Variants in COL5A2 observed in about 807,000 individuals in gnomAD.
COL5A2 encodes the protein collagen type V alpha 2 chain.
Under a neutral mutation model 208.2 loss-of-function variants are expected in COL5A2, and 23 were observed. That is an observed-to-expected ratio of 0.11 (90% CI 0.08 to 0.16). COL5A2 has a LOEUF of 0.16. Among genes scored for constraint, COL5A2 ranks in the 10% least tolerant of loss-of-function variants. COL5A2 has a pLI of 1.00. For synonymous variants in COL5A2, 625 were observed against 628.5 expected (o/e 0.99, Z 0.08); for missense variants, 1,590 against 1,956.4 (o/e 0.81, Z 3.53).
chr2:189,408,925 G>C, the COL5A2 span, among the ~76,000 whole-genome samples: 3 of 152,134 alleles, frequency 2.0e-5, no homozygotes, highest in South Asian at 6.2e-4. Flanking sequence ...AAATGGAATA[G>C]GTAGTGTGTC....
At chr2:189,433,859 T>G in the COL5A2 span, among the ~76,000 whole-genome samples, 128 of 152,060 alleles carry the variant, frequency 8.4e-4, no homozygotes, top group Non-Finnish European at 1.6e-3. Flanking sequence ...TGATACCAAA[T>G]CCTGGCAGAG....
the COL5A2 span, among the ~76,000 whole-genome samples, chr2:189,371,137 G>T: frequency 1.3e-5 from 2 of 152,084 alleles, no homozygotes; most frequent in East Asian, 3.9e-4. Flanking sequence ...AGATGTGCCT[G>T]CTCCCCCTTT....
intron 37 of COL5A2, 64 bp downstream of exon 37, chr2:189,053,831 C>T (rs1300608263): frequency 7.4e-7 from 1 of 1,350,844 alleles, no homozygotes; most frequent in African/African-American, 1.5e-5. Flanking sequence ...AATATAAAAA[C>T]AAAATGATTA....
At chr2:189,198,778 A>G (rs996811873) in intron 1 of COL5A2, among the ~76,000 whole-genome samples, 1 of 152,188 alleles carries the variant, frequency 6.6e-6, no homozygotes, top group Non-Finnish European at 1.5e-5. Context: ...ATAATATGCA[A>G]TTATTGGAAA....
chr2:189,034,848 T>C, intron 53 of COL5A2, 68 bp downstream of exon 53: 5 of 1,597,560 alleles, frequency 3.1e-6, no homozygotes, highest in Non-Finnish European at 4.3e-6. Flanking sequence ...TCTAGTGCTG[T>C]AATAGTATTT....
At chr2:189,406,264 GATGCTTTTAAA>G in the COL5A2 span, among the ~76,000 whole-genome samples, 3 of 152,086 alleles carry the variant, frequency 2.0e-5, no homozygotes, top group Non-Finnish European at 4.4e-5. Flanking sequence ...ACTTGAAATT[GATGCTTTTAAA>G]ATATATTTCT....
the COL5A2 span, among the ~76,000 whole-genome samples, chr2:189,255,546 T>C: frequency 2.6e-5 from 4 of 152,206 alleles, no homozygotes; most frequent in Non-Finnish European, 5.9e-5. Flanking sequence ...TTGCTCATGA[T>C]AAAATAATTA....
At chr2:189,320,944 C>G in the COL5A2 span, among the ~76,000 whole-genome samples, 1 of 152,190 alleles carries the variant, frequency 6.6e-6, no homozygotes, top group Non-Finnish European at 1.5e-5. Context: ...CACAGGGAAG[C>G]CTATCAGACT....
At chr2:189,349,663 G>A in the COL5A2 span, among the ~76,000 whole-genome samples, 1 of 152,100 alleles carries the variant, frequency 6.6e-6, no homozygotes, top group Non-Finnish European at 1.5e-5. Context: ...TTATGTTTAT[G>A]TTTAGGTTTA....
the COL5A2 span, among the ~76,000 whole-genome samples, chr2:189,234,208 T>C: frequency 6.6e-6 from 1 of 151,746 alleles, no homozygotes; most frequent in Non-Finnish European, 1.5e-5. Context: ...TTGCAAACTA[T>C]ACATCCTCAG....
chr2:189,189,715 T>A (rs1368496713), intron 1 of COL5A2, among the ~76,000 whole-genome samples: 1 of 152,060 alleles, frequency 6.6e-6, no homozygotes, highest in Non-Finnish European at 1.5e-5. Context: ...GAATTAGAAT[T>A]TCTATTTAAA....
chr2:189,043,162 G>T lies in COL5A2; in HGVS notation c.3460C>A (p.Pro1154Thr). ...HRGFTGLQGL[P>T]GPPGPNGEQG... ...AAGGAATAACTTACAGGAGGGCCAGGAAGACCCTGAAGACCAGTAAAGCCT... is the reference window on the plus strand; with the variant it reads ...AAGGAATAACTTACAGGAGGGCCAGTAAGACCCTGAAGACCAGTAAAGCCT... The change falls in exon 48 of 54, where the codon CCT becomes ACT. Residue 1154 changes from proline (P) to threonine (T), a missense_variant. Pro to Thr is a conservative substitution (Grantham distance 38). Transcript: ENST00000374866. The T allele has an allele frequency of 1.2e-6, 2 of 1,612,904 alleles. No individual in the cohort carries two copies. The highest frequency in any genetic ancestry group is 1.7e-6 in the Non-Finnish European group (2 of 1,179,126).
At chr2:189,320,718 T>A in the COL5A2 span, among the ~76,000 whole-genome samples, 1 of 152,114 alleles carries the variant, frequency 6.6e-6, no homozygotes, top group African/African-American at 2.4e-5. Context: ...ATGGGGAGAA[T>A]GGAACCAAGT....
rs747843876 is a variant in COL5A2 at position 189,051,465 on chromosome 2, G to A, written c.2786C>T (p.Ala929Val). Reference sequence around the variant, plus strand: ...CTTCCCGGGTTCCCCTAGGGGTCCCGCAGGTCCTGGAGCTCCCTAGTATAA... The same window carrying A: ...CTTCCCGGGTTCCCCTAGGGGTCCCACAGGTCCTGGAGCTCCCTAGTATAA... ...PPGPAGAPGPAGPLGEPGKEG... is the reference protein window; with the variant it reads ...PPGPAGAPGPVGPLGEPGKEG... Residue 929 changes from alanine to valine, a missense_variant, in exon 42 of 54, where the codon GCG (alanine) becomes GTG (valine). Ala to Val is a moderately conservative substitution (Grantham distance 64, BLOSUM62 0). Transcript: ENST00000374866. 7.5e-6 allele frequency: 12 copies of A among 1,608,986 alleles called. No individual in the cohort carries two copies. The highest frequency in any genetic ancestry group is 3.3e-5 in the South Asian group (3 of 90,502).
intron 1 of COL5A2, among the ~76,000 whole-genome samples, chr2:189,150,574 T>C (rs1466485843): frequency 6.6e-6 from 1 of 152,186 alleles, no homozygotes; most frequent in African/African-American, 2.4e-5. Context: ...TTCCATCTTA[T>C]AATAAAATCG....
At chr2:189,354,484 A>G in the COL5A2 span, among the ~76,000 whole-genome samples, 22 of 152,292 alleles carry the variant, frequency 1.4e-4, no homozygotes, top group Admixed American at 4.6e-4. Flanking sequence ...TTAGGATTCA[A>G]CTTCTTCCTG....
chr2:189,152,100 G>T (rs1052687595), intron 1 of COL5A2, among the ~76,000 whole-genome samples: 2 of 152,152 alleles, frequency 1.3e-5, no homozygotes, highest in Non-Finnish European at 2.9e-5. Flanking sequence ...CATCTACTCT[G>T]CTTTAAGTAC....
At chr2:189,076,372 C>T (rs1455188718) in intron 16 of COL5A2, among the ~76,000 whole-genome samples, 3 of 151,938 alleles carry the variant, frequency 2.0e-5, no homozygotes, top group Admixed American at 6.6e-5. Flanking sequence ...TGGCATGCCG[C>T]GATGGCACAA....
chr2:189,116,432 A>T (rs1687392431), intron 1 of COL5A2, among the ~76,000 whole-genome samples: 1 of 152,182 alleles, frequency 6.6e-6, no homozygotes, highest in African/African-American at 2.4e-5. Context: ...TGCAGAGGAG[A>T]TGCCAAAAAT....
Sources: gnomAD v4.1 joint callset for allele counts (sites outside exome capture counted in the v4.1 genomes callset) on GRCh38, gnomAD v4.1.1 for gene constraint, MANE v1.5 for transcripts, NCBI Gene and HGNC (gene_info 2026-07-23, HGNC 2026-07-21) for gene names.